Variants in BAALC observed in about 807,000 individuals in gnomAD.
The protein encoded by BAALC is brain and acute leukemia cytoplasmic protein.
In BAALC, 9 loss-of-function variants were observed where a neutral mutation model predicts 15.5. The observed-to-expected ratio is 0.58, with a 90% CI of 0.35 to 1.02. The LOEUF is 1.02. Ranked by LOEUF, BAALC falls within the 50% of genes least tolerant of loss-of-function variation. The probability of loss-of-function intolerance (pLI) is 0.02; values close to 1 mark genes in which losing one functional copy is unlikely to be tolerated. For missense variants in BAALC, 201 were observed against 192.4 expected, an observed-to-expected ratio of 1.04 and a Z score of -0.27; for synonymous variants, 80 against 74.6, an observed-to-expected ratio of 1.07 and a Z score of -0.37.
intron 1 of BAALC, among the ~76,000 whole-genome samples, chr8:103,146,934 G>A (rs1810892477): frequency 7.0e-6 from 1 of 141,930 alleles, no homozygotes; most frequent in Non-Finnish European, 1.5e-5. Context: ...TCTAGTGATG[G>A]TACCTGTCAC....
At chr8:103,175,602 A>C (rs571640198) in intron 1 of BAALC, among the ~76,000 whole-genome samples, 1 of 152,366 alleles carries the variant, frequency 6.6e-6, no homozygotes, top group South Asian at 2.1e-4. Flanking sequence ...TTCAATGTTC[A>C]AATTTATAGC....
At chr8:103,185,520 A>T (rs1387687930) in intron 1 of BAALC, among the ~76,000 whole-genome samples, 2 of 152,234 alleles carry the variant, frequency 1.3e-5, no homozygotes, top group African/African-American at 4.8e-5. Context: ...AGATATCAAC[A>T]TCATTCCCTA....
chr8:103,164,139 C>G (rs1282093714), intron 1 of BAALC, among the ~76,000 whole-genome samples: 1 of 152,146 alleles, frequency 6.6e-6, no homozygotes, highest in East Asian at 1.9e-4. Flanking sequence ...GAGTGAAGAG[C>G]AGGAGCTGCT....
intron 1 of BAALC, among the ~76,000 whole-genome samples, chr8:103,164,171 G>A (rs967420365): frequency 2.0e-5 from 3 of 152,140 alleles, no homozygotes; most frequent in Non-Finnish European, 2.9e-5. Context: ...AGGGGATAGA[G>A]TGCTCCAGGA....
chr8:103,152,442 T>C (rs948390470), intron 1 of BAALC, among the ~76,000 whole-genome samples: 3 of 152,208 alleles, frequency 2.0e-5, no homozygotes, highest in African/African-American at 7.2e-5. Context: ...TGTCACCTCC[T>C]CAGAGAGACC....
At chr8:103,148,840 C>T (rs1810925609) in intron 1 of BAALC, among the ~76,000 whole-genome samples, 2 of 152,212 alleles carry the variant, frequency 1.3e-5, no homozygotes, top group African/African-American at 4.8e-5. Flanking sequence ...AGACGGATTT[C>T]CACTGTTACT....
At chr8:103,208,373 A>T (rs1812375391) in intron 1 of BAALC, 1 of 152,360 alleles carries the variant, frequency 6.6e-6, no homozygotes, top group Middle Eastern at 3.4e-3. Context: ...ACTCTAGACC[A>T]AATGATGGAT....
At chr8:103,152,058 C>G (rs1480999984) in intron 1 of BAALC, among the ~76,000 whole-genome samples, 1 of 152,042 alleles carries the variant, frequency 6.6e-6, no homozygotes, top group Non-Finnish European at 1.5e-5. Flanking sequence ...CCATTCATAC[C>G]CTTGACAATT....
intron 1 of BAALC, among the ~76,000 whole-genome samples, chr8:103,196,316 T>C (rs1051369882): frequency 1.3e-5 from 2 of 152,246 alleles, no homozygotes; most frequent in Non-Finnish European, 2.9e-5. Flanking sequence ...GGTCTCATTC[T>C]GTTGCCCAGG....
chr8:103,193,195 G>A (rs2130007955), intron 1 of BAALC, among the ~76,000 whole-genome samples: 1 of 152,328 alleles, frequency 6.6e-6, no homozygotes, highest in African/African-American at 2.4e-5. Context: ...CCCTGTCACA[G>A]GCGTCACTTA....
intron 2 of BAALC, among the ~76,000 whole-genome samples, chr8:103,220,654 G>T (rs1196699797): frequency 6.6e-6 from 1 of 152,196 alleles, no homozygotes; most frequent in East Asian, 1.9e-4. Context: ...TAAAGGCCAG[G>T]AAGGAAGTAA....
intron 1 of BAALC, among the ~76,000 whole-genome samples, chr8:103,157,234 TA>T (rs1178377591): frequency 1.3e-5 from 2 of 152,112 alleles, no homozygotes; most frequent in Non-Finnish European, 2.9e-5. Flanking sequence ...TAGAACCCCT[TA>T]ATTGTAGCCT....
intron 2 of BAALC, among the ~76,000 whole-genome samples, chr8:103,217,883 G>C (rs531114348): frequency 1.5e-4 from 23 of 152,354 alleles, no homozygotes; most frequent in African/African-American, 5.3e-4. Context: ...CAAGGATCCA[G>C]GGGTAGAAAA....
In BAALC at chr8:103,209,917, C is replaced by G. The variant is rs573808999; in HGVS notation, c.161-3002C>G. 5.3e-5 allele frequency among the ~76,000 whole-genome samples: 8 copies of G among 152,350 alleles called. No homozygotes were observed. In the South Asian group the frequency reaches 1.7e-3, roughly 32 times the overall value. ...GGTCCCTGGAGGACACTGAGTAGCA[C>G]TATTCTAGGCTCTTCTGTGGGTGCT... On this transcript the variant is annotated intron_variant, in intron 1 of 2. Coordinates refer to ENST00000309982, the MANE Select transcript of BAALC (RefSeq NM_024812.3).
chr8:103,220,185 G>C (rs889191466), intron 2 of BAALC, among the ~76,000 whole-genome samples: 1 of 152,172 alleles, frequency 6.6e-6, no homozygotes, highest in African/African-American at 2.4e-5. Flanking sequence ...GTGAGAGGTG[G>C]GATATGAAAC....
intron 1 of BAALC, among the ~76,000 whole-genome samples, chr8:103,161,858 C>T (rs1448211312): frequency 1.3e-5 from 2 of 152,128 alleles, no homozygotes; most frequent in Admixed American, 1.3e-4. Context: ...TTAGTGTGCC[C>T]TCTAAGAATG....
intron 1 of BAALC, among the ~76,000 whole-genome samples, chr8:103,148,738 C>A (rs184125156): frequency 6.6e-6 from 1 of 152,072 alleles, no homozygotes; most frequent in Non-Finnish European, 1.5e-5. Flanking sequence ...TTAAGCCATG[C>A]GGTTTGTGGC....
At chr8:103,153,466 C>T (rs1352406702) in intron 1 of BAALC, among the ~76,000 whole-genome samples, 1 of 152,190 alleles carries the variant, frequency 6.6e-6, no homozygotes, top group Non-Finnish European at 1.5e-5. Flanking sequence ...ACCACATATG[C>T]TAATATTGAA....
At chr8:103,200,486 A>G (rs1040515259) in intron 1 of BAALC, among the ~76,000 whole-genome samples, 2 of 152,218 alleles carry the variant, frequency 1.3e-5, no homozygotes, top group Admixed American at 6.5e-5. Flanking sequence ...GGAGTAAAAA[A>G]CAAACAAAAA....
Sources: allele counts gnomAD v4.1 joint callset (sites outside exome capture counted in the v4.1 genomes callset), GRCh38; gene constraint gnomAD v4.1.1; transcripts MANE v1.5; gene names NCBI Gene and HGNC (gene_info 2026-07-23, HGNC 2026-07-21).